Variants in BBS9 observed in about 807,000 individuals in gnomAD.
BBS9 encodes the protein protein PTHB1.
BBS9 carries 89 observed loss-of-function variants against 117.7 expected under a neutral mutation model. That is an observed-to-expected ratio of 0.76 (90% CI 0.64 to 0.90). BBS9 has a LOEUF of 0.90. Among genes scored for constraint, BBS9 ranks in the 40% least tolerant of loss-of-function variants. The pLI is 0.00. For synonymous variants in BBS9, 379 were observed against 370.9 expected, an observed-to-expected ratio of 1.02 and a Z score of -0.25; for missense variants, 982 against 1,042.2, an observed-to-expected ratio of 0.94 and a Z score of 0.80.
chr7:33,420,833 G>T (rs1832754891), intron 19 of BBS9, among the ~76,000 whole-genome samples: 1 of 152,308 alleles, frequency 6.6e-6, no homozygotes, highest in South Asian at 2.1e-4. Context: ...TGTGTATGCT[G>T]GGATTCTTGC....
intron 21 of BBS9, 51 bp downstream of exon 21, chr7:33,534,227 A>G (rs1160406560): frequency 1.9e-6 from 3 of 1,552,810 alleles, no homozygotes; most frequent in East Asian, 4.6e-5. Flanking sequence ...CTCCTAAATT[A>G]GAGGAATGTG....
chr7:33,297,107 A>T (rs1805431201), intron 9 of BBS9, among the ~76,000 whole-genome samples: 1 of 152,184 alleles, frequency 6.6e-6, no homozygotes, highest in Non-Finnish European at 1.5e-5. Flanking sequence ...AGCCTTAGAA[A>T]ACAAGCCGGA....
chr7:33,209,182 G>T (rs1787545921), intron 5 of BBS9, among the ~76,000 whole-genome samples: 1 of 152,130 alleles, frequency 6.6e-6, no homozygotes, highest in Admixed American at 6.5e-5. Context: ...ACAAATAAGT[G>T]AGAACATGTG....
chr7:33,219,833 A>G (rs2128237387), intron 5 of BBS9, among the ~76,000 whole-genome samples: 1 of 152,218 alleles, frequency 6.6e-6, no homozygotes, highest in South Asian at 2.1e-4. Flanking sequence ...CCCCTTCCAC[A>G]CTGTGGAAAT....
Position 33,367,798 on chromosome 7 carries a change from G to A in BBS9, c.1725G>A (p.Val575=). 6.2e-7 allele frequency: 1 copy of A among 1,613,890 alleles called. No homozygotes were observed. The highest frequency in any genetic ancestry group is 8.5e-7 in the Non-Finnish European group (1 of 1,179,860). Residue 575 remains valine (V), a synonymous_variant, in exon 17 of 23, where the codon GTG becomes GTA. Transcript: ENST00000242067. ...CCAGTCAGTCAGATGATGATCAGGT[G>A]AATGTAATGGGTTTTCACTTCTTAG... The part of the protein sequence containing the change: ...GFASQSDDDQ[V]NVMGFHFLGG...
At chr7:33,271,644 A>G (rs1033156623) in intron 7 of BBS9, among the ~76,000 whole-genome samples, 1 of 152,240 alleles carries the variant, frequency 6.6e-6, no homozygotes, top group African/African-American at 2.4e-5. Context: ...GGTTCAATTC[A>G]ACATGAAGAT....
intron 21 of BBS9, among the ~76,000 whole-genome samples, chr7:33,541,572 GA>G (rs1392966788): frequency 5.3e-5 from 8 of 152,160 alleles, no homozygotes; most frequent in African/African-American, 1.4e-4. Flanking sequence ...CTGATAAATG[GA>G]TAACAAATGT....
intron 5 of BBS9, among the ~76,000 whole-genome samples, chr7:33,231,227 C>T (rs540722917): frequency 6.6e-6 from 1 of 152,004 alleles, no homozygotes; most frequent in African/African-American, 2.4e-5. Flanking sequence ...TGGCCATGAA[C>T]TCCTGAGGTC....
chr7:33,406,723 G>C (rs1410043911), intron 19 of BBS9, among the ~76,000 whole-genome samples: 2 of 151,986 alleles, frequency 1.3e-5, no homozygotes, highest in Non-Finnish European at 2.9e-5. Flanking sequence ...TGAAATTCTG[G>C]GTTGACAGTT....
At chr7:33,266,617 T>C (rs1171258902) in intron 7 of BBS9, among the ~76,000 whole-genome samples, 1 of 152,220 alleles carries the variant, frequency 6.6e-6, no homozygotes, top group African/African-American at 2.4e-5. Flanking sequence ...GTTCAACTCT[T>C]CTATATCCTT....
At chr7:33,131,963 G>T (rs1452183873) in intron 1 of BBS9, among the ~76,000 whole-genome samples, 1 of 152,164 alleles carries the variant, frequency 6.6e-6, no homozygotes, top group African/African-American at 2.4e-5. Context: ...AGAATTTCTG[G>T]AGTTTAGGGG....
intron 21 of BBS9, among the ~76,000 whole-genome samples, chr7:33,625,602 A>G (rs181763369): frequency 1.6e-4 from 24 of 152,312 alleles, no homozygotes; most frequent in African/African-American, 5.8e-4. Context: ...GCACATTCCT[A>G]AAGTGACTCT....
intron 21 of BBS9, among the ~76,000 whole-genome samples, chr7:33,582,709 G>A (rs1004665160): frequency 6.6e-6 from 1 of 152,038 alleles, no homozygotes; most frequent in African/African-American, 2.4e-5. Flanking sequence ...AGCCCTCCAG[G>A]AGCAGATCTG....
At chr7:33,538,202 A>G (rs1266348258) in intron 21 of BBS9, among the ~76,000 whole-genome samples, 1 of 152,256 alleles carries the variant, frequency 6.6e-6, no homozygotes, top group Non-Finnish European at 1.5e-5. Flanking sequence ...TTCCTGGGCT[A>G]AAAGGAAGCC....
chr7:33,294,998 T>C (rs1804961368), intron 9 of BBS9, among the ~76,000 whole-genome samples: 1 of 152,168 alleles, frequency 6.6e-6, no homozygotes, highest in African/African-American at 2.4e-5. Context: ...AGTACAATCT[T>C]TTATTTAGGC....
chr7:33,296,081 T>A (rs369083140), intron 9 of BBS9, among the ~76,000 whole-genome samples: 6 of 152,200 alleles, frequency 3.9e-5, no homozygotes, highest in African/African-American at 4.8e-5. Flanking sequence ...ACTTATACGT[T>A]GAAATACATT....
chr7:33,496,776 A>G (rs945316962), intron 19 of BBS9, among the ~76,000 whole-genome samples: 2 of 152,228 alleles, frequency 1.3e-5, no homozygotes, highest in Non-Finnish European at 2.9e-5. Context: ...TGAATGAATT[A>G]GTTATAAGCT....
At chr7:33,182,906 G>A (rs1010146165) in intron 5 of BBS9, among the ~76,000 whole-genome samples, 3 of 152,180 alleles carry the variant, frequency 2.0e-5, no homozygotes, top group Middle Eastern at 3.4e-3. Flanking sequence ...TCCCAAAAAA[G>A]GGATGGGTAG....
chr7:33,336,910 T>C (rs942572174), intron 10 of BBS9, among the ~76,000 whole-genome samples: 1 of 152,180 alleles, frequency 6.6e-6, no homozygotes, highest in African/African-American at 2.4e-5. Context: ...GAAGTACTTC[T>C]TTGGGTGGTG....
Sources: gnomAD v4.1 joint callset for allele counts (sites outside exome capture counted in the v4.1 genomes callset) on GRCh38, gnomAD v4.1.1 for gene constraint, MANE v1.5 for transcripts, NCBI Gene and HGNC (gene_info 2026-07-23, HGNC 2026-07-21) for gene names.